DLG2: variants seen among roughly 807,000 people sequenced by gnomAD.
DLG2 encodes disks large homolog 2.
In DLG2, 45 loss-of-function variants were observed where a neutral mutation model predicts 132.5. The observed-to-expected ratio is 0.34, with a 90% CI of 0.27 to 0.44. The LOEUF is 0.44. Among genes scored for constraint, DLG2 ranks in the 20% least tolerant of loss-of-function variants. The probability of loss-of-function intolerance (pLI) is 1.00; values close to 1 mark genes in which losing one functional copy is unlikely to be tolerated. For missense variants in DLG2, 1,045 were observed against 1,196.9 expected, an observed-to-expected ratio of 0.87 and a Z score of 1.87; for synonymous variants, 424 against 419.6, an observed-to-expected ratio of 1.01 and a Z score of -0.13.
At chr11:84,742,272 T>C (rs1274603249) in intron 6 of DLG2, among the ~76,000 whole-genome samples, 1 of 152,194 alleles carries the variant, frequency 6.6e-6, no homozygotes, top group East Asian at 1.9e-4. Context: ...GGAAGAGTCA[T>C]AGACATTCAG....
intron 3 of DLG2, among the ~76,000 whole-genome samples, chr11:85,427,711 G>T (rs1245027102): frequency 6.6e-6 from 1 of 152,202 alleles, no homozygotes; most frequent in Non-Finnish European, 1.5e-5. Flanking sequence ...GGAAGAAACT[G>T]CATCAACTAA....
intron 3 of DLG2, among the ~76,000 whole-genome samples, chr11:85,548,009 G>C (rs1338868854): frequency 6.6e-6 from 1 of 152,058 alleles, no homozygotes; most frequent in Non-Finnish European, 1.5e-5. Context: ...CTCATTCTCT[G>C]TCCAGTTTTG....
intron 3 of DLG2, among the ~76,000 whole-genome samples, chr11:85,587,112 G>A (rs1298829625): frequency 3.3e-5 from 5 of 152,032 alleles, no homozygotes; most frequent in Non-Finnish European, 7.4e-5. Flanking sequence ...TTGTTTTGTG[G>A]CCTATCCTAT....
At chr11:84,041,293 T>C (rs1202618935) in intron 11 of DLG2, among the ~76,000 whole-genome samples, 1 of 151,988 alleles carries the variant, frequency 6.6e-6, no homozygotes, top group East Asian at 1.9e-4. Context: ...GGTACATATA[T>C]AGGATAAATT....
At chr11:83,857,954 A>G (rs779854954) in intron 16 of DLG2, among the ~76,000 whole-genome samples, 2 of 152,240 alleles carry the variant, frequency 1.3e-5, no homozygotes, top group Non-Finnish European at 2.9e-5. Context: ...AATATGATCA[A>G]TGAATCATTA....
chr11:83,921,074 T>C (rs942788100), intron 15 of DLG2, among the ~76,000 whole-genome samples: 1 of 152,130 alleles, frequency 6.6e-6, no homozygotes, highest in Non-Finnish European at 1.5e-5. Context: ...AATTCTACCT[T>C]AGAAAGGTTA....
chr11:83,907,463 G>A (rs2075228383), intron 15 of DLG2, among the ~76,000 whole-genome samples: 1 of 152,132 alleles, frequency 6.6e-6, no homozygotes, highest in African/African-American at 2.4e-5. Flanking sequence ...CATCCCTGGA[G>A]TGAACGAGAG....
At chr11:84,931,530 G>A (rs1408731586) in intron 6 of DLG2, among the ~76,000 whole-genome samples, 1 of 152,156 alleles carries the variant, frequency 6.6e-6, no homozygotes, top group East Asian at 1.9e-4. Flanking sequence ...AGTATTTCAT[G>A]TACTACATGA....
chr11:84,302,118 T>G (rs952922568), intron 7 of DLG2, among the ~76,000 whole-genome samples: 5 of 152,056 alleles, frequency 3.3e-5, no homozygotes, highest in African/African-American at 7.2e-5. Context: ...AAACGCCACA[T>G]GTTCTCACTC....
At chr11:83,462,241 G>A in intron 26 of DLG2, 148 bp from the exon 27 acceptor site, 2 of 573,482 alleles carry the variant, frequency 3.5e-6, no homozygotes, top group African/African-American at 1.9e-5. Flanking sequence ...CCTCTGTGCT[G>A]GAATAATTTC....
chr11:85,582,208 A>T (rs935166410), intron 3 of DLG2, among the ~76,000 whole-genome samples: 1 of 152,186 alleles, frequency 6.6e-6, no homozygotes, highest in Non-Finnish European at 1.5e-5. Flanking sequence ...TACGGTAGCT[A>T]ACAGGCATGA....
chr11:85,070,901 T>A (rs139114950), intron 6 of DLG2, among the ~76,000 whole-genome samples: 25 of 151,972 alleles, frequency 1.6e-4, no homozygotes, highest in African/African-American at 5.3e-4. Flanking sequence ...CCTTGTGAAG[T>A]TGTTTTCCTA....
chr11:84,133,737 T>C (rs906140858), intron 9 of DLG2, among the ~76,000 whole-genome samples: 1 of 151,990 alleles, frequency 6.6e-6, no homozygotes, highest in African/African-American at 2.4e-5. Flanking sequence ...CACCTCAGCC[T>C]GTTTAATAGC....
At chr11:85,502,641 G>C (rs1016991832) in intron 3 of DLG2, among the ~76,000 whole-genome samples, 9 of 152,060 alleles carry the variant, frequency 5.9e-5, no homozygotes, top group Non-Finnish European at 1.0e-4. Flanking sequence ...CACACACTGA[G>C]GCCTGTCGGC....
At chr11:84,204,983 C>G (rs982821923) in intron 8 of DLG2, among the ~76,000 whole-genome samples, 1 of 152,130 alleles carries the variant, frequency 6.6e-6, no homozygotes, top group African/African-American at 2.4e-5. Context: ...GGATTACAGG[C>G]GTGAGTCACC....
intron 3 of DLG2, among the ~76,000 whole-genome samples, chr11:85,545,495 G>T (rs2076252614): frequency 1.3e-5 from 2 of 152,084 alleles, no homozygotes; most frequent in South Asian, 4.1e-4. Flanking sequence ...GGATGATGCT[G>T]GCCTCATGAA....
intron 3 of DLG2, among the ~76,000 whole-genome samples, chr11:85,385,049 C>T (rs2086213987): frequency 6.6e-6 from 1 of 152,170 alleles, no homozygotes; most frequent in Non-Finnish European, 1.5e-5. Context: ...CTGTGCCCTG[C>T]CTCCTACTTA....
chr11:83,748,792 A>T (rs2153731915), intron 18 of DLG2, among the ~76,000 whole-genome samples: 2 of 152,280 alleles, frequency 1.3e-5, no homozygotes, highest in African/African-American at 4.8e-5. Flanking sequence ...ATGTATGATA[A>T]TTTTTCACTT....
intron 21 of DLG2, among the ~76,000 whole-genome samples, chr11:83,511,073 A>AACACACACACACACACAC (rs142149345): frequency 3.6e-4 from 32 of 88,470 alleles, no homozygotes; most frequent in African/African-American, 1.2e-3. Flanking sequence ...CACTTGCTCA[A>AACACACACACACACACAC]ACACACACAC....
Sources: gnomAD v4.1 joint callset for allele counts (sites outside exome capture counted in the v4.1 genomes callset) on GRCh38, gnomAD v4.1.1 for gene constraint, MANE v1.5 for transcripts, NCBI Gene and HGNC (gene_info 2026-07-23, HGNC 2026-07-21) for gene names.